The following CDH13 variants were observed in gnomAD, a reference collection of about 807,000 sequenced individuals.
CDH13 encodes cadherin 13.
In CDH13, 24 loss-of-function variants were observed where a neutral mutation model predicts 63.8. The observed-to-expected ratio is 0.38, with a 90% CI of 0.27 to 0.53. CDH13 has a LOEUF of 0.53. Among genes scored for constraint, CDH13 ranks in the 20% least tolerant of loss-of-function variants. The pLI, the probability that CDH13 is intolerant of heterozygous loss-of-function variation, is 0.85. For missense variants in CDH13, 1,049 were observed against 903.1 expected (o/e 1.16, Z -2.07); for synonymous variants, 503 against 355.3 (o/e 1.42, Z -4.67).
chr16:83,021,595 T>C (rs1915353034), intron 2 of CDH13, among the ~76,000 whole-genome samples: 1 of 152,236 alleles, frequency 6.6e-6, no homozygotes, highest in African/African-American at 2.4e-5. Flanking sequence ...CTGAAGATTG[T>C]TGGACTGTAT....
chr16:82,638,990 A>G (rs751149982), intron 1 of CDH13, among the ~76,000 whole-genome samples: 4 of 152,112 alleles, frequency 2.6e-5, no homozygotes, highest in Non-Finnish European at 5.9e-5. Context: ...TTTATATACG[A>G]TGAGAAGAAG....
intron 2 of CDH13, among the ~76,000 whole-genome samples, chr16:82,968,422 A>T (rs1263744540): frequency 2.6e-5 from 4 of 152,180 alleles, no homozygotes; most frequent in African/African-American, 9.7e-5. Flanking sequence ...GAATTTTTTT[A>T]AAAGCTGGTA....
In CDH13 at chr16:83,313,754, A is replaced by G. The variant is rs1016562282; in HGVS notation, c.637-31108A>G. On this transcript the variant is annotated intron_variant, in intron 5 of 13. Coordinates refer to ENST00000567109, the MANE Select transcript of CDH13 (RefSeq NM_001257.5). ...AATTACAATTGCCTTTTTTCCCATTATTTTAGTTAATGTTGTTAAACAATA... is the reference window on the plus strand; with the variant it reads ...AATTACAATTGCCTTTTTTCCCATTGTTTTAGTTAATGTTGTTAAACAATA... Among the ~76,000 whole-genome samples, 11 of 151,520 alleles carry G rather than the reference A, an allele frequency of 7.3e-5. No individual in the cohort carries two copies. The East Asian group carries it at 2.1e-3, about 29-fold the overall frequency.
At chr16:82,704,968 C>A (rs1159071113) in intron 1 of CDH13, 6 of 351,372 alleles carry the variant, frequency 1.7e-5, no homozygotes, top group East Asian at 7.5e-5. Context: ...ACTTGGGAGA[C>A]AATGTCTCTT....
At chr16:82,741,400 C>G (rs1366635524) in intron 1 of CDH13, among the ~76,000 whole-genome samples, 1 of 152,222 alleles carries the variant, frequency 6.6e-6, no homozygotes, top group Admixed American at 6.5e-5. Context: ...ACATCCTTCA[C>G]TAATCCCCTG....
chr16:83,703,069 C>T (rs778297177), intron 10 of CDH13, among the ~76,000 whole-genome samples: 1 of 152,176 alleles, frequency 6.6e-6, no homozygotes, highest in Non-Finnish European at 1.5e-5. Context: ...CTAACAAGAG[C>T]GTTCCTCCTT....
intron 6 of CDH13, among the ~76,000 whole-genome samples, chr16:83,414,885 C>T (rs1470486112): frequency 6.6e-6 from 1 of 152,050 alleles, no homozygotes; most frequent in Non-Finnish European, 1.5e-5. Context: ...GGTAGCTCTC[C>T]AGTAATATCT....
rs552778558 is a variant in CDH13 at position 83,445,954 on chromosome 16, A to G, written c.782-40523A>G. ...TCAAAAAGGCAACTAAAAGATTTCT[A>G]AAGCATTATCCCCATCCCTCCCCCA... On this transcript the variant is annotated intron_variant, in intron 6 of 13. Coordinates refer to ENST00000567109, the MANE Select transcript of CDH13 (RefSeq NM_001257.5). Among the ~76,000 whole-genome samples the G allele has an allele frequency of 9.8e-5, 15 of 152,328 alleles. No homozygotes were observed. The South Asian group carries it at 2.9e-3, about 29-fold the overall frequency.
chr16:82,698,336 C>G lies in CDH13; in HGVS notation c.45+71199C>G, dbSNP rs141430933. 2.3e-4 allele frequency among the ~76,000 whole-genome samples: 35 copies of G among 152,324 alleles called. No individual in the cohort carries two copies. The East Asian group carries it at 3.7e-3, about 16-fold the overall frequency. ...TTTTAGTGAAGACCAAGGCAAAGAACTCTATCTCCTGGGTACTCTCTGTAG... is the reference window on the plus strand; with the variant it reads ...TTTTAGTGAAGACCAAGGCAAAGAAGTCTATCTCCTGGGTACTCTCTGTAG... On this transcript the variant is annotated intron_variant, in intron 1 of 13. Coordinates refer to ENST00000567109, the MANE Select transcript of CDH13 (RefSeq NM_001257.5).
intron 7 of CDH13, among the ~76,000 whole-genome samples, chr16:83,581,471 C>T (rs1034589467): frequency 6.6e-6 from 1 of 152,210 alleles, no homozygotes; most frequent in African/African-American, 2.4e-5. Flanking sequence ...ACATCTCCTC[C>T]TTATTCCTTT....
At chr16:83,158,447 C>A (rs1359290170) in intron 4 of CDH13, among the ~76,000 whole-genome samples, 3 of 152,182 alleles carry the variant, frequency 2.0e-5, no homozygotes. Flanking sequence ...GGAGGCTGCC[C>A]TTCCAGGGAG....
chr16:83,563,950 C>T (rs575815793), intron 7 of CDH13, among the ~76,000 whole-genome samples: 1 of 152,334 alleles, frequency 6.6e-6, no homozygotes, highest in East Asian at 1.9e-4. Flanking sequence ...ATCTCAGTCT[C>T]TTGTGTCTTC....
intron 5 of CDH13, among the ~76,000 whole-genome samples, chr16:83,297,977 G>A (rs951867325): frequency 2.7e-5 from 4 of 150,410 alleles, no homozygotes; most frequent in South Asian, 2.1e-4. Flanking sequence ...TTAGGAGGCC[G>A]AGGCAGGAGG....
At chr16:83,575,913 G>A (rs1905056436) in intron 7 of CDH13, among the ~76,000 whole-genome samples, 1 of 152,114 alleles carries the variant, frequency 6.6e-6, no homozygotes, top group African/African-American at 2.4e-5. Flanking sequence ...ACTCTTTATT[G>A]TATTTTTTTA....
At chr16:82,653,459 T>C (rs1200097431) in intron 1 of CDH13, among the ~76,000 whole-genome samples, 1 of 152,152 alleles carries the variant, frequency 6.6e-6, no homozygotes, top group African/African-American at 2.4e-5. Context: ...TATATTTGAC[T>C]TGGGCCCTGA....
chr16:83,465,134 A>G (rs2073276931), intron 6 of CDH13, among the ~76,000 whole-genome samples: 1 of 152,228 alleles, frequency 6.6e-6, no homozygotes, highest in Non-Finnish European at 1.5e-5. Context: ...GGATTCATTA[A>G]TCAACGAGCT....
chr16:83,602,145 C>CAAAA (rs1907904808), intron 7 of CDH13, among the ~76,000 whole-genome samples: 1 of 44,462 alleles, frequency 2.2e-5, no homozygotes, highest in African/African-American at 1.4e-4. Flanking sequence ...AAAAAAAAAC[C>CAAAA]CAAAGGACAA....
chr16:82,800,316 G>A (rs144571318), intron 1 of CDH13, among the ~76,000 whole-genome samples: 62 of 152,234 alleles, frequency 4.1e-4, no homozygotes, highest in African/African-American at 1.3e-3. Flanking sequence ...TTTCTCGTAT[G>A]AAGACCCAGT....
At chr16:83,662,680 A>T (rs1310614356) in intron 8 of CDH13, among the ~76,000 whole-genome samples, 1 of 152,164 alleles carries the variant, frequency 6.6e-6, no homozygotes, top group Non-Finnish European at 1.5e-5. Flanking sequence ...TGTGAAAAAG[A>T]AAAAATACTT....
Sources: allele counts gnomAD v4.1 joint callset (sites outside exome capture counted in the v4.1 genomes callset), GRCh38; gene constraint gnomAD v4.1.1; transcripts MANE v1.5; gene names NCBI Gene and HGNC (gene_info 2026-07-23, HGNC 2026-07-21).